SHOX: variants seen among roughly 807,000 people sequenced by gnomAD.
SHOX encodes the protein SHOX homeobox.
SHOX carries 12 observed loss-of-function variants against 29.6 expected under a neutral mutation model. That is an observed-to-expected ratio of 0.41 (90% confidence interval 0.26 to 0.66). The LOEUF is 0.66. SHOX is among the 30% of genes least tolerant of loss of function. The pLI, the probability that SHOX is intolerant of heterozygous loss-of-function variation, is 0.35. For missense variants in SHOX, 499 were observed against 437.7 expected (o/e 1.14, Z -1.25); for synonymous variants, 214 against 200.6 (o/e 1.07, Z -0.57).
At chrX:630,762 A>C, upstream of SHOX, 1 of 1,130,742 alleles carries the variant, frequency 8.8e-7, no homozygotes. Context: ...GTCGCCGCGT[A>C]TAAATAGTGA....
chrX:631,895 C>T, intron 1 of SHOX: 1 of 456,094 alleles, frequency 2.2e-6, no homozygotes, highest in Non-Finnish European at 4.4e-6. Context: ...TTTACGGTCA[C>T]CCAGACGCAC....
rs1168989193 is a variant in SHOX, at chrX:645,390, A to ATTTTTTTTTTTTTTTTTTTTTT, written c.*766_*787dup. The ATTTTTTTTTTTTTTTTTTTTTT allele has an allele frequency of 2.6e-5, 2 of 78,364 alleles. No homozygotes were observed. Among genetic ancestry groups the ATTTTTTTTTTTTTTTTTTTTTT allele is most frequent in the Admixed American group, 1.7e-4 (1 of 6,008 alleles). 4.9% of individuals were successfully genotyped at this position (78,364 alleles called of 1,614,324 possible). ...GGGTCTGGTTTTGTTTTGGATTGGT[A>ATTTTTTTTTTTTTTTTTTTTTT]TTTTTTTTTTTTTTTTTTTTTTTTT... is the stretch of plus-strand genomic sequence containing the variant. On this transcript the variant is annotated 3_prime_UTR_variant, in exon 5 of 5. Transcript: ENST00000686671.
At chrX:644,324 G>C in intron 4 of SHOX, 67 bp from the exon 5 acceptor site, 1 of 1,451,720 alleles carries the variant, frequency 6.9e-7, no homozygotes, top group South Asian at 1.4e-5. Flanking sequence ...GTTTCCGGGG[G>C]CGCGGGGCGG....
At chrX:625,521 A>G (rs369100118) in intron 1 of SHOX, among the ~76,000 whole-genome samples, 2 of 147,316 alleles carry the variant, frequency 1.4e-5, no homozygotes, top group Non-Finnish European at 3.0e-5. Context: ...TTCTCTGTCT[A>G]TCTCTGTATC....
upstream of SHOX, among the ~76,000 whole-genome samples, chrX:629,960 G>A (rs1386924179): frequency 6.6e-6 from 1 of 152,182 alleles, no homozygotes; most frequent in African/African-American, 2.4e-5. Context: ...AAATACCCCA[G>A]ACGCCAGGGT....
chrX:628,085 C>G (rs1018516559), upstream of SHOX, among the ~76,000 whole-genome samples: 1 of 39,958 alleles, frequency 2.5e-5, no homozygotes, highest in Non-Finnish European at 6.5e-5. Context: ...TCTCTTCCCC[C>G]TCCCTGTCTC....
rs28411089 is a variant in SHOX, at chrX:647,116, C to A, written c.*2480C>A. ...TTAGAGACGGAATTTCAATCTTGTC[C>A]CCCAGGCTGGAGTGCAGTGGCACAA... On this transcript the variant is annotated 3_prime_UTR_variant, in exon 5 of 5. Transcript: ENST00000686671. Among the ~76,000 whole-genome samples the A allele has an allele frequency of 1.3e-5, 2 of 149,704 alleles. No homozygotes were observed. The highest frequency in any genetic ancestry group is 4.2e-4 in the South Asian group (2 of 4,784).
Position 644,769 on chromosome X carries a change from C to A in SHOX, c.*133C>A, listed in dbSNP as rs1429573348. On this transcript the variant is annotated 3_prime_UTR_variant, in exon 5 of 5. Coordinates refer to ENST00000686671, the MANE Select transcript of SHOX (RefSeq NM_000451.4). The stretch of plus-strand genomic sequence containing the variant: ...GCTCCGGGCACCCCGGGAGCTCCTG[C>A]AAGAGGCCTGAGGAGGGAGGCTCCC... The A allele has an allele frequency of 8.9e-6, 11 of 1,232,182 alleles. No individual in the cohort carries two copies. The highest frequency in any genetic ancestry group is 1.6e-5 in the African/African-American group (1 of 62,326). The allele number at this position is 1,232,182 out of a possible 1,614,324, so 76.3% of individuals were successfully genotyped here. A position where few individuals can be genotyped will look rare whatever the true frequency, so the allele number is the denominator to read the frequency against.
At chrX:624,851 CTCTTTCTTTCTTTTCTT>C (rs1569491626) in intron 1 of SHOX, among the ~76,000 whole-genome samples, 2 of 113,784 alleles carry the variant, frequency 1.8e-5, no homozygotes, top group Admixed American at 9.0e-5. Flanking sequence ...TCCTCTCTTC[CTCTTTCTTTCTTTTCTT>C]TCTTTCTTTC....
rs764099728 is a variant in SHOX at position 651,460 on chromosome X, C to T, written c.*6824C>T. 2.2e-6 allele frequency: 1 copy of T among 450,194 alleles called. No homozygotes were observed. The highest frequency in any genetic ancestry group is 2.4e-5 in the Admixed American group (1 of 41,392). The allele number at this position is 450,194 out of a possible 1,614,324, so 27.9% of individuals were successfully genotyped here. ...CCCTGAGTTTCTCTGGTGACGCCCT[C>T]ATTCTCCTAACGTTCAATAATCTCA... On this transcript the variant is annotated 3_prime_UTR_variant, in exon 5 of 5. Coordinates refer to ENST00000686671, the MANE Select transcript of SHOX (RefSeq NM_000451.4).
Position 631,192 on chromosome X carries a change from C to G in SHOX, c.277+18C>G, listed in dbSNP as rs1304229961. Reference sequence around the variant, plus strand: ...GGCAGAAGGTAAGTTCCTTTGCGCTCCGGCTCCAGGGGGGCCCTCCTGGGG... The same window carrying G: ...GGCAGAAGGTAAGTTCCTTTGCGCTGCGGCTCCAGGGGGGCCCTCCTGGGG... On this transcript the variant is annotated intron_variant, in intron 1 of 4. Transcript: ENST00000686671. 6.2e-7 allele frequency: 1 copy of G among 1,612,150 alleles called. No homozygotes were observed. The highest frequency in any genetic ancestry group is 1.7e-5 in the Admixed American group (1 of 60,014).
chrX:654,105 G>C, downstream of SHOX, among the ~76,000 whole-genome samples: 1 of 151,578 alleles, frequency 6.6e-6, no homozygotes, highest in Middle Eastern at 3.2e-3. Context: ...ATGAACAATA[G>C]TGGCCAAAAC....
chrX:650,006 GTC>G lies in SHOX; in HGVS notation c.*5374_*5375del, dbSNP rs2053030300. The G allele has an allele frequency of 2.2e-6, 1 of 455,956 alleles. No homozygotes were observed. The highest frequency in any genetic ancestry group is 2.0e-5 in the African/African-American group (1 of 50,076). 28.2% of individuals were successfully genotyped at this position (455,956 alleles called of 1,614,324 possible). On this transcript the variant is annotated 3_prime_UTR_variant, in exon 5 of 5. Transcript: ENST00000686671. ...TATTAGATTTTCTTTCTCCGTTCGA[GTC>G]TCTGACTGGTGCATACTTTGCAAAG...
At chrX:625,187 C>CCCTCCTCCTCCTCCTTCTCCT (rs1221047620) in intron 1 of SHOX, among the ~76,000 whole-genome samples, 12 of 128,658 alleles carry the variant, frequency 9.3e-5, no homozygotes, top group Non-Finnish European at 2.0e-4. Flanking sequence ...CCTTCATCGT[C>CCCTCCTCCTCCTCCTTCTCCT]CCTCCTCCTC....
In SHOX at chrX:649,593, TTCCCGG is replaced by T. The variant is rs1569495803; in HGVS notation, c.*4959_*4964del. 6.6e-6 allele frequency among the ~76,000 whole-genome samples: 1 copy of T among 152,186 alleles called. No individual in the cohort carries two copies. The highest frequency in any genetic ancestry group is 1.5e-5 in the Non-Finnish European group (1 of 68,042). ...GTCACGTTCCTGCTTTCCCTGTGGCTTCCCGGTGAGCTCGCTCGCAGAGCAAGGAAT... is the reference window on the plus strand; with the variant it reads ...GTCACGTTCCTGCTTTCCCTGTGGCTTGAGCTCGCTCGCAGAGCAAGGAAT... On this transcript the variant is annotated 3_prime_UTR_variant, in exon 5 of 5. Transcript: ENST00000686671.
upstream of SHOX, chrX:630,731 GCGCATGGGGGGCTGGGCGAGGT>G (rs1441306229): frequency 1.2e-6 from 1 of 826,096 alleles, no homozygotes. Flanking sequence ...CAGACAGGCA[GCGCATGGGGGGCTGGGCGAGGT>G]CGCCGCGTAT....
chrX:634,862 C>G (rs1239426151), intron 2 of SHOX, 36 bp downstream of exon 2: 1 of 1,542,018 alleles, frequency 6.5e-7, no homozygotes, highest in African/African-American at 1.4e-5. Context: ...GGGCCCGGAG[C>G]CATCGCCTGG....
At chrX:643,696 C>A (rs866508528) in intron 4 of SHOX, among the ~76,000 whole-genome samples, 2 of 112,668 alleles carry the variant, frequency 1.8e-5, no homozygotes, top group East Asian at 2.8e-4. Flanking sequence ...ACCTGGTGAC[C>A]CGGGAGAGGC....
At chrX:653,078 T>G (rs1037688581), downstream of SHOX, among the ~76,000 whole-genome samples, 13 of 151,976 alleles carry the variant, frequency 8.6e-5, no homozygotes, top group African/African-American at 3.1e-4. Flanking sequence ...CTATCTCTAC[T>G]AAAAATACAA....
Sources: gnomAD v4.1 joint callset for allele counts (sites outside exome capture counted in the v4.1 genomes callset) on GRCh38, gnomAD v4.1.1 for gene constraint, MANE v1.5 for transcripts, NCBI Gene and HGNC (gene_info 2026-07-23, HGNC 2026-07-21) for gene names.